Variants in ALK observed in about 807,000 individuals in gnomAD.
ALK encodes ALK receptor tyrosine kinase, also known as ALK tyrosine kinase receptor.
Under a neutral mutation model 163.1 loss-of-function variants are expected in ALK, and 74 were observed. The ratio of observed to expected loss-of-function variants is 0.45; its 90% CI spans 0.38 to 0.55. ALK has a LOEUF of 0.55. Among genes scored for constraint, ALK ranks in the 20% least tolerant of loss-of-function variants. The pLI, the probability that ALK is intolerant of heterozygous loss-of-function variation, is 0.00. For missense variants in ALK, 2,063 were observed against 2,105.3 expected (o/e 0.98, Z 0.39); for synonymous variants, 960 against 843.2 (o/e 1.14, Z -2.40).
At chr2:29,710,496 G>A (rs1270669867) in intron 2 of ALK, among the ~76,000 whole-genome samples, 1 of 106,896 alleles carries the variant, frequency 9.4e-6, no homozygotes, top group Admixed American at 1.0e-4. Flanking sequence ...CTCAGTCTGT[G>A]TGCGTGTGTG....
intron 23 of ALK, among the ~76,000 whole-genome samples, chr2:29,219,999 T>C (rs966514656): frequency 6.6e-6 from 1 of 152,206 alleles, no homozygotes; most frequent in Admixed American, 6.5e-5. Context: ...GTCAGTTGCT[T>C]GAGTAGTTAC....
intron 3 of ALK, among the ~76,000 whole-genome samples, chr2:29,550,254 T>A (rs1229260896): frequency 1.3e-5 from 2 of 152,180 alleles, no homozygotes; most frequent in Admixed American, 6.5e-5. Flanking sequence ...ACTTTTTAGT[T>A]GAGAAAACTG....
At chr2:29,229,147 G>T in intron 15 of ALK, 81 bp from the exon 16 acceptor site, 1 of 1,420,282 alleles carries the variant, frequency 7.0e-7, no homozygotes, top group Non-Finnish European at 9.9e-7. Context: ...CAGGATGCAG[G>T]ACGCCTTGGA....
At chr2:29,799,645 T>C (rs540650868) in intron 1 of ALK, among the ~76,000 whole-genome samples, 18 of 152,330 alleles carry the variant, frequency 1.2e-4, no homozygotes, top group South Asian at 2.1e-4. Flanking sequence ...ATTGCACCAC[T>C]GCACTCCATC....
intron 3 of ALK, among the ~76,000 whole-genome samples, chr2:29,553,380 G>A (rs899838269): frequency 3.3e-5 from 5 of 152,144 alleles, no homozygotes; most frequent in Admixed American, 2.0e-4. Flanking sequence ...CCAGAACTGC[G>A]AGAAATAAAA....
chr2:29,536,489 C>A (rs1425165433), intron 3 of ALK, among the ~76,000 whole-genome samples: 1 of 152,148 alleles, frequency 6.6e-6, no homozygotes, highest in African/African-American at 2.4e-5. Context: ...GTACAGCCTG[C>A]AGAACCATGA....
intron 4 of ALK, among the ~76,000 whole-genome samples, chr2:29,519,793 C>T (rs1425398622): frequency 6.6e-6 from 1 of 152,166 alleles, no homozygotes; most frequent in Non-Finnish European, 1.5e-5. Flanking sequence ...CACTCTGAGG[C>T]CTGCAGGTGA....
At chr2:29,402,781 G>A (rs1385849214) in intron 4 of ALK, among the ~76,000 whole-genome samples, 1 of 152,108 alleles carries the variant, frequency 6.6e-6, no homozygotes, top group Non-Finnish European at 1.5e-5. Context: ...CTGAGGTCTG[G>A]GCTATGCATC....
At chr2:29,622,403 A>T (rs930836266) in intron 3 of ALK, among the ~76,000 whole-genome samples, 1 of 152,124 alleles carries the variant, frequency 6.6e-6, no homozygotes, top group Non-Finnish European at 1.5e-5. Context: ...AATAAGAAAG[A>T]AGCAAAAGTG....
chr2:29,343,209 AT>A (rs72225984), intron 5 of ALK, among the ~76,000 whole-genome samples: 13,509 of 70,618 alleles, frequency 0.19, 904 homozygotes, highest in East Asian at 0.47. Flanking sequence ...AAATTTAAAA[AT>A]TTTTTTTTTT....
At chr2:29,222,432 G>A (rs1573123252) in intron 21 of ALK, 24 bp from the exon 22 acceptor site, 2 of 1,612,318 alleles carry the variant, frequency 1.2e-6, no homozygotes, top group Non-Finnish European at 1.7e-6. Context: ...GGGAGGGTGG[G>A]GAGGAGGAGG....
chr2:29,516,707 T>C (rs1672675515), intron 4 of ALK, among the ~76,000 whole-genome samples: 2 of 152,176 alleles, frequency 1.3e-5, no homozygotes, highest in African/African-American at 4.8e-5. Flanking sequence ...ATTTGTGAAA[T>C]GGGGATAATA....
intron 3 of ALK, among the ~76,000 whole-genome samples, chr2:29,628,461 G>A (rs1256652009): frequency 1.3e-5 from 2 of 152,154 alleles, no homozygotes; most frequent in African/African-American, 2.4e-5. Context: ...GAATGCTTCA[G>A]GGTTGCAGCC....
chr2:29,619,012 A>T (rs11127230), intron 3 of ALK, among the ~76,000 whole-genome samples: 1 of 151,332 alleles, frequency 6.6e-6, no homozygotes, highest in African/African-American at 2.4e-5. Flanking sequence ...AAAAAAAAAA[A>T]CACTTGAAAA....
intron 4 of ALK, among the ~76,000 whole-genome samples, chr2:29,514,716 T>G (rs1486299623): frequency 6.6e-6 from 1 of 152,218 alleles, no homozygotes; most frequent in African/African-American, 2.4e-5. Flanking sequence ...ACCCAGTTGG[T>G]CAAGCTAAAA....
At chr2:29,717,843 T>A in intron 1 of ALK, 146 bp from the exon 2 acceptor site, 1 of 985,452 alleles carries the variant, frequency 1.0e-6, no homozygotes, top group Non-Finnish European at 1.6e-6. Context: ...GAGCCACCAG[T>A]AGACTGAGTT....
intron 1 of ALK, among the ~76,000 whole-genome samples, chr2:29,763,881 G>A (rs916482891): frequency 6.6e-6 from 1 of 152,102 alleles, no homozygotes; most frequent in African/African-American, 2.4e-5. Flanking sequence ...AGAAAGAAAG[G>A]GGTAGAGAAA....
intron 4 of ALK, among the ~76,000 whole-genome samples, chr2:29,424,421 A>C (rs934152641): frequency 1.3e-5 from 2 of 152,148 alleles, no homozygotes; most frequent in African/African-American, 4.8e-5. Flanking sequence ...TTAGCACTAC[A>C]TTTTCTGAAT....
chr2:29,733,855 G>T (rs780682613), intron 1 of ALK, among the ~76,000 whole-genome samples: 14 of 152,118 alleles, frequency 9.2e-5, no homozygotes, highest in Non-Finnish European at 1.9e-4. Flanking sequence ...GACAGGAGGG[G>T]TTGGAGGAGC....
Sources: gnomAD v4.1 joint callset for allele counts (sites outside exome capture counted in the v4.1 genomes callset) on GRCh38, gnomAD v4.1.1 for gene constraint, MANE v1.5 for transcripts, NCBI Gene and HGNC (gene_info 2026-07-23, HGNC 2026-07-21) for gene names.